MBTD1: variants seen among roughly 807,000 people sequenced by gnomAD.
MBTD1 encodes mbt domain containing 1, also known as MBT domain-containing protein 1.
In MBTD1, 24 loss-of-function variants were observed where a neutral mutation model predicts 87.8. That is an observed-to-expected ratio of 0.27 (90% CI 0.20 to 0.38). The LOEUF (loss-of-function observed/expected upper bound fraction) is 0.38, where lower values mean the gene tolerates loss of function less well. Among genes scored for constraint, MBTD1 ranks in the 10% least tolerant of loss-of-function variants. The pLI is 1.00. For missense variants in MBTD1, 436 were observed against 760.2 expected (o/e 0.57, Z 5.02); for synonymous variants, 237 against 248.6 (o/e 0.95, Z 0.44).
At chr17:51,191,964 ACT>A in intron 16 of MBTD1, 1 of 473,996 alleles carries the variant, frequency 2.1e-6, no homozygotes, top group Non-Finnish European at 3.7e-6. Flanking sequence ...TCATTCACAG[ACT>A]CTATTCTTTA....
intron 2 of MBTD1, among the ~76,000 whole-genome samples, chr17:51,238,104 G>A (rs904717871): frequency 6.6e-6 from 1 of 152,098 alleles, no homozygotes; most frequent in Non-Finnish European, 1.5e-5. Context: ...GGCCAGGAGT[G>A]GAAAAGGGGA....
chr17:51,238,622 C>T (rs1477377814), intron 2 of MBTD1, among the ~76,000 whole-genome samples: 1 of 152,132 alleles, frequency 6.6e-6, no homozygotes, highest in East Asian at 1.9e-4. Context: ...CTTGTTGCAG[C>T]AGCATGGGGA....
chr17:51,231,162 T>G (rs1390070579), intron 2 of MBTD1, among the ~76,000 whole-genome samples: 5 of 152,188 alleles, frequency 3.3e-5, no homozygotes, highest in African/African-American at 1.2e-4. Context: ...GGTCTCAAAC[T>G]CCTGACCTTG....
chr17:51,259,945 C>G lies in MBTD1; in HGVS notation c.-223G>C. ...GGGCAGGTGCCTCTCCCCGGGACTG[C>G]GGCGACTACAGGGGGCCCCCGGCTG... On this transcript the variant is annotated 5_prime_UTR_variant, in exon 1 of 17. Coordinates refer to ENST00000586178, the MANE Select transcript of MBTD1 (RefSeq NM_017643.3). 1.7e-6 allele frequency: 2 copies of G among 1,175,672 alleles called. No individual in the cohort carries two copies. Among genetic ancestry groups the G allele is most frequent in the Non-Finnish European group, 2.1e-6 (2 of 936,548 alleles). The allele number at this position is 1,175,672 out of a possible 1,614,324, so 72.8% of individuals were successfully genotyped here. A position where few individuals can be genotyped will look rare whatever the true frequency, so the allele number is the denominator to read the frequency against.
At chr17:51,240,707 A>G (rs1272888435) in intron 2 of MBTD1, among the ~76,000 whole-genome samples, 1 of 152,176 alleles carries the variant, frequency 6.6e-6, no homozygotes, top group Non-Finnish European at 1.5e-5. Flanking sequence ...ATCCTTTCCT[A>G]AACTATACTC....
intron 2 of MBTD1, among the ~76,000 whole-genome samples, chr17:51,234,115 C>A (rs956683130): frequency 5.3e-5 from 8 of 151,964 alleles, no homozygotes; most frequent in Non-Finnish European, 1.2e-4. Flanking sequence ...CAAGGCCAGG[C>A]GTGATGGCTC....
In MBTD1 at chr17:51,216,878, G is replaced by A. The variant is rs536422116; in HGVS notation, c.486+456C>T. On this transcript the variant is annotated intron_variant, in intron 6 of 16. Coordinates refer to ENST00000586178, the MANE Select transcript of MBTD1 (RefSeq NM_017643.3). The stretch of plus-strand genomic sequence containing the variant: ...GGAATACAGTTGAGCCACTGTGCCC[G>A]GACAAAGCTAGCAGTTCAACTTAAT... 8.5e-4 allele frequency among the ~76,000 whole-genome samples: 130 copies of A among 152,062 alleles called. 1 individual carries two copies. In the South Asian group the frequency reaches 0.026, roughly 30 times the overall value.
chr17:51,195,011 T>C (rs1225053981), intron 13 of MBTD1, among the ~76,000 whole-genome samples: 1 of 152,230 alleles, frequency 6.6e-6, no homozygotes, highest in Non-Finnish European at 1.5e-5. Flanking sequence ...GGAAAAATTC[T>C]ATACTACTGT....
At chr17:51,257,705 A>C (rs1018093860) in intron 2 of MBTD1, among the ~76,000 whole-genome samples, 7 of 152,200 alleles carry the variant, frequency 4.6e-5, no homozygotes, top group Non-Finnish European at 5.9e-5. Context: ...TGTTTAAAGT[A>C]AGCAGGAAAA....
intron 12 of MBTD1, among the ~76,000 whole-genome samples, chr17:51,201,027 C>T (rs1036818162): frequency 2.0e-5 from 3 of 152,042 alleles, no homozygotes; most frequent in Non-Finnish European, 2.9e-5. Context: ...ATAGGACACA[C>T]CTGTGATCCC....
chr17:51,224,844 A>C (rs1445334532), intron 3 of MBTD1, among the ~76,000 whole-genome samples, 164 bp downstream of exon 3: 1 of 152,216 alleles, frequency 6.6e-6, no homozygotes, highest in African/African-American at 2.4e-5. Flanking sequence ...TAGGCAAAAT[A>C]AAGAGTTAAA....
At chr17:51,209,965 A>G (rs551949826) in intron 6 of MBTD1, among the ~76,000 whole-genome samples, 2 of 152,252 alleles carry the variant, frequency 1.3e-5, no homozygotes, top group East Asian at 3.9e-4. Context: ...GAAAGTAGAA[A>G]AAGAAAAGAA....
Position 51,202,800 on chromosome 17 carries a change from T to A in MBTD1, c.964A>T (p.Ser322Cys), listed in dbSNP as rs142980097. The A allele has an allele frequency of 1.7e-3, 2,696 of 1,614,048 alleles. 3 individuals carry two copies. Among genetic ancestry groups the A allele is most frequent in the Non-Finnish European group, 2.1e-3 (2,501 of 1,180,014 alleles). The change falls in exon 10 of 17, where the codon AGC (serine) becomes TGC (cysteine). Residue 322 changes from serine (S) to cysteine (C), a missense_variant. Ser to Cys is a moderately radical substitution (Grantham distance 112). Coordinates refer to ENST00000586178, the MANE Select transcript of MBTD1 (RefSeq NM_017643.3). Reference sequence around the variant, plus strand: ...CAGAAGTCATCTGTTCTATCTTCGCTTTCTTCATACACTAGTCTTAATCTT... The same window carrying A: ...CAGAAGTCATCTGTTCTATCTTCGCATTCTTCATACACTAGTCTTAATCTT... ...GGRLRLVYEE[S>C]EDRTDDFWCH...
Position 51,179,484 on chromosome 17 carries a change from T to TATATATATATA in MBTD1, c.*1091_*1092insTATATATATAT, listed in dbSNP as rs60957699. 7 of 35,304 alleles carry TATATATATATA rather than the reference T, an allele frequency of 2.0e-4. 1 individual carries two copies. The highest frequency in any genetic ancestry group is 4.5e-4 in the Admixed American group (1 of 2,212). 2.2% of individuals were successfully genotyped at this position (35,304 alleles called of 1,614,324 possible). On this transcript the variant is annotated 3_prime_UTR_variant, in exon 17 of 17. Coordinates refer to ENST00000586178, the MANE Select transcript of MBTD1 (RefSeq NM_017643.3). ...ATCCTGAATACAATTAAAGACAATT[T>TATATATATATA]TATATATATATATATATATATATAT...
chr17:51,242,610 A>AT (rs1404667939), intron 2 of MBTD1, among the ~76,000 whole-genome samples: 1 of 152,024 alleles, frequency 6.6e-6, no homozygotes, highest in Admixed American at 6.6e-5. Context: ...GATTTATTTC[A>AT]TTTTTTGGGG....
chr17:51,201,370 T>C (rs999091891), intron 12 of MBTD1, among the ~76,000 whole-genome samples: 2 of 152,206 alleles, frequency 1.3e-5, no homozygotes, highest in African/African-American at 4.8e-5. Flanking sequence ...TAGGATATAC[T>C]TCCATAAATA....
chr17:51,183,305 G>C (rs1309802098), intron 16 of MBTD1: 1 of 151,712 alleles, frequency 6.6e-6, no homozygotes, highest in East Asian at 1.9e-4. Flanking sequence ...CAAGTAGCTG[G>C]GATTTACAGG....
intron 16 of MBTD1, among the ~76,000 whole-genome samples, chr17:51,191,320 G>A (rs2050801385): frequency 1.4e-5 from 2 of 147,154 alleles, no homozygotes; most frequent in African/African-American, 5.1e-5. Flanking sequence ...AGAGTGCAAT[G>A]GCACGATCTC....
At chr17:51,254,584 A>T (rs1248771963) in intron 2 of MBTD1, among the ~76,000 whole-genome samples, 5 of 152,216 alleles carry the variant, frequency 3.3e-5, no homozygotes, top group Admixed American at 6.5e-5. Flanking sequence ...TGATTCTTTG[A>T]TCTACAAGAA....
Sources: allele counts gnomAD v4.1 joint callset (sites outside exome capture counted in the v4.1 genomes callset), GRCh38; gene constraint gnomAD v4.1.1; transcripts MANE v1.5; gene names NCBI Gene and HGNC (gene_info 2026-07-23, HGNC 2026-07-21).